The following ZFHX3 variants were observed in gnomAD, a reference collection of about 807,000 sequenced individuals.
The protein encoded by ZFHX3 is zinc finger homeobox 3, also known as zinc finger homeobox protein 3.
ZFHX3 carries 42 observed loss-of-function variants against 279.1 expected under a neutral mutation model. The observed-to-expected ratio is 0.15, with a 90% confidence interval of 0.12 to 0.19. The LOEUF is 0.19. Ranked by LOEUF, ZFHX3 falls within the 10% of genes least tolerant of loss-of-function variation. The probability of loss-of-function intolerance (pLI) is 1.00; values close to 1 mark genes in which losing one functional copy is unlikely to be tolerated. For missense variants in ZFHX3, 4,981 were observed against 4,754.0 expected, an observed-to-expected ratio of 1.05 and a Z score of -1.40; for synonymous variants, 2,293 against 1,957.8, an observed-to-expected ratio of 1.17 and a Z score of -4.52.
At chr16:73,683,356 T>C (rs1174581893) in intron 1 of ZFHX3, among the ~76,000 whole-genome samples, 1 of 152,156 alleles carries the variant, frequency 6.6e-6, no homozygotes, top group African/African-American at 2.4e-5. Flanking sequence ...ATAAATAAAA[T>C]TAATCAGAGC....
chr16:73,120,304 C>T (rs4788492), intron 7 of ZFHX3, among the ~76,000 whole-genome samples: 4 of 151,860 alleles, frequency 2.6e-5, no homozygotes, highest in Admixed American at 1.3e-4. Flanking sequence ...TCTGTCACCC[C>T]GGCTGGAGTG....
intron 3 of ZFHX3, among the ~76,000 whole-genome samples, chr16:73,449,317 T>C (rs989831229): frequency 2.6e-5 from 4 of 152,180 alleles, no homozygotes; most frequent in African/African-American, 9.7e-5. Context: ...TAGACATTCT[T>C]AGGCATGCGC....
chr16:73,422,320 C>T (rs2017733388), intron 3 of ZFHX3, among the ~76,000 whole-genome samples: 1 of 151,918 alleles, frequency 6.6e-6, no homozygotes, highest in African/African-American at 2.4e-5. Context: ...ATCCTGACAA[C>T]AGAGCTTTGG....
rs1048295493 is a variant in ZFHX3, at chr16:73,365,178, C to A, written c.-1290-46842G>T. On this transcript the variant is annotated intron_variant, in intron 3 of 17. Coordinates refer to the ZFHX3 transcript ENST00000641206. ...AGCCTCTGTGGAGAGACCTCCGGTA[C>A]TTGGCAAGGTGCCACCCCCTTATCT... 3.3e-5 allele frequency among the ~76,000 whole-genome samples: 5 copies of A among 152,352 alleles called. No homozygotes were observed. The South Asian group carries it at 1.0e-3, about 32-fold the overall frequency.
rs1159045813 is a variant in ZFHX3 at position 72,794,542 on chromosome 16, G to A, written c.8140C>T (p.Pro2714Ser). ...VGPAQAHRRC[P>S]FCRALFKAKT... ...GCTTTGAAGAGCGCTCTGCAAAAAG[G>A]GCATCTCCTGTGGGCCTGCGCTGGG... The change falls in exon 9 of 10, where the codon CCT becomes TCT. Residue 2714 changes from proline (P) to serine (S), a missense_variant. Physicochemically the swap from Pro to Ser is moderately conservative, Grantham distance 74 (BLOSUM62 -1). Around this residue, in one of 7 missense-constraint regions of ZFHX3, gnomAD observed 744 missense variants for 701.3 expected, o/e 1.06. Transcript: ENST00000268489. The surrounding 1 kb of genome is among the most constrained non-coding windows in gnomAD (Gnocchi z 4.2). The A allele has an allele frequency of 1.4e-5, 22 of 1,614,200 alleles. No homozygotes were observed. The highest frequency in any genetic ancestry group is 4.4e-5 in the South Asian group (4 of 91,086).
At chr16:73,797,660 C>T (rs147349674) in intron 1 of ZFHX3, among the ~76,000 whole-genome samples, 254 of 152,174 alleles carry the variant, frequency 1.7e-3, no homozygotes, top group Non-Finnish European at 2.9e-3. Context: ...TACACTGGTA[C>T]GGTGGAGAAA....
chr16:73,564,191 C>G (rs569726196), intron 2 of ZFHX3, among the ~76,000 whole-genome samples: 1 of 152,262 alleles, frequency 6.6e-6, no homozygotes, highest in Admixed American at 6.5e-5. Context: ...TTGGTTCAGC[C>G]TCTCCCTATC....
intron 5 of ZFHX3, among the ~76,000 whole-genome samples, chr16:73,204,933 C>G (rs2011742906): frequency 6.6e-6 from 1 of 152,188 alleles, no homozygotes; most frequent in Non-Finnish European, 1.5e-5. Context: ...CCATGCTTAT[C>G]TGAGTCTGTA....
intron 2 of ZFHX3, among the ~76,000 whole-genome samples, chr16:73,478,565 G>T (rs924551594): frequency 6.6e-6 from 1 of 152,116 alleles, no homozygotes; most frequent in African/African-American, 2.4e-5. Context: ...AAGAGTCTCG[G>T]GTTTTGTTTT....
At chr16:73,431,240 A>ATT (rs11309902) in intron 3 of ZFHX3, among the ~76,000 whole-genome samples, 5 of 150,078 alleles carry the variant, frequency 3.3e-5, no homozygotes, top group African/African-American at 9.8e-5. Context: ...GTTTTTTTGT[A>ATT]TTTTTTTTTT....
At chr16:73,324,892 C>T (rs1410156879) in intron 3 of ZFHX3, among the ~76,000 whole-genome samples, 1 of 152,142 alleles carries the variant, frequency 6.6e-6, no homozygotes, top group Non-Finnish European at 1.5e-5. Flanking sequence ...TTGTGACAGC[C>T]CAGAGTGCTT....
intron 1 of ZFHX3, among the ~76,000 whole-genome samples, chr16:73,002,063 T>A (rs1488485050): frequency 2.0e-5 from 3 of 152,122 alleles, no homozygotes; most frequent in African/African-American, 7.2e-5. Flanking sequence ...ACCAGATTGC[T>A]TTGGAATTTT....
chr16:73,051,204 A>AT (rs1209190387), upstream of ZFHX3, among the ~76,000 whole-genome samples: 2 of 152,346 alleles, frequency 1.3e-5, no homozygotes, highest in South Asian at 2.1e-4. Context: ...GTATACATTG[A>AT]TTTTTAAAAC....
chr16:73,467,443 A>G (rs1318324084), intron 2 of ZFHX3, among the ~76,000 whole-genome samples: 1 of 152,196 alleles, frequency 6.6e-6, no homozygotes, highest in African/African-American at 2.4e-5. Context: ...AGAAACAAAG[A>G]AGAAAGTGTA....
intron 2 of ZFHX3, among the ~76,000 whole-genome samples, chr16:73,473,027 C>T (rs1309890092): frequency 2.0e-5 from 3 of 149,918 alleles, no homozygotes; most frequent in African/African-American, 4.9e-5. Flanking sequence ...AGTACAGGGG[C>T]CCCTGGATGA....
chr16:73,435,906 C>T (rs1390263205), intron 3 of ZFHX3, among the ~76,000 whole-genome samples: 1 of 152,200 alleles, frequency 6.6e-6, no homozygotes, highest in African/African-American at 2.4e-5. Context: ...GCACCAGAGC[C>T]CTGTTACCTG....
intron 2 of ZFHX3, among the ~76,000 whole-genome samples, chr16:72,955,172 G>A (rs1241844488): frequency 1.3e-5 from 2 of 152,114 alleles, no homozygotes; most frequent in Non-Finnish European, 2.9e-5. Context: ...AGCAGTTTTC[G>A]CGGCCCAAGG....
rs141683144 is a variant in ZFHX3 at position 73,698,542 on chromosome 16, G to C, written c.-1607-18302C>G. On this transcript the variant is annotated intron_variant, in intron 1 of 17. Coordinates refer to the ZFHX3 transcript ENST00000641206. Reference sequence around the variant, plus strand: ...ACCAAGATAACGTCGTCAGTAATAAGACATATTGCTGTCACACACCTCATC... The same window carrying C: ...ACCAAGATAACGTCGTCAGTAATAACACATATTGCTGTCACACACCTCATC... Among the ~76,000 whole-genome samples the C allele has an allele frequency of 2.1e-4, 32 of 152,288 alleles. 1 individual carries two copies. The East Asian group carries it at 5.4e-3, about 26-fold the overall frequency.
At chr16:72,902,809 C>T (rs1294318050) in intron 3 of ZFHX3, among the ~76,000 whole-genome samples, 1 of 152,060 alleles carries the variant, frequency 6.6e-6, no homozygotes, top group African/African-American at 2.4e-5. Context: ...CATGGACGGG[C>T]CTTAGCACCA....
Sources: allele counts gnomAD v4.1 joint callset (sites outside exome capture counted in the v4.1 genomes callset), GRCh38; gene constraint gnomAD v4.1.1; regional missense constraint gnomAD v4.1.1; non-coding constraint Gnocchi (gnomAD v3.1); transcripts MANE v1.5; gene names NCBI Gene and HGNC (gene_info 2026-07-23, HGNC 2026-07-21).